Variants in HUNK observed in about 807,000 individuals in gnomAD.
HUNK encodes hormonally up-regulated neu tumor-associated kinase.
In HUNK, 21 loss-of-function variants were observed where a neutral mutation model predicts 61.0. The observed-to-expected ratio is 0.34, with a 90% CI of 0.24 to 0.50. The LOEUF (loss-of-function observed/expected upper bound fraction) is 0.50, where lower values mean the gene tolerates loss of function less well. Among genes scored for constraint, HUNK ranks in the 20% least tolerant of loss-of-function variants. The probability of loss-of-function intolerance (pLI) is 0.98; values close to 1 mark genes in which losing one functional copy is unlikely to be tolerated. For missense variants in HUNK, 772 were observed against 945.7 expected, an observed-to-expected ratio of 0.82 and a Z score of 2.41; for synonymous variants, 371 against 386.1, an observed-to-expected ratio of 0.96 and a Z score of 0.46.
intron 6 of HUNK, 177 bp from the exon 7 acceptor site, chr21:31,974,378 A>G: frequency 1.9e-6 from 1 of 530,254 alleles, no homozygotes; most frequent in Non-Finnish European, 3.2e-6. Context: ...ATGATGGTAT[A>G]CATAAAGTGA....
intron 8 of HUNK, among the ~76,000 whole-genome samples, chr21:31,984,562 A>G (rs1205764412): frequency 6.6e-6 from 1 of 152,194 alleles, no homozygotes; most frequent in Non-Finnish European, 1.5e-5. Flanking sequence ...CTAGAGAAAA[A>G]GAACACAACT....
At chr21:31,943,161 G>A (rs779820230) in intron 3 of HUNK, among the ~76,000 whole-genome samples, 4 of 151,674 alleles carry the variant, frequency 2.6e-5, no homozygotes, top group Non-Finnish European at 5.9e-5. Flanking sequence ...GAAAGAATTT[G>A]GTTTAAATAA....
At chr21:31,903,012 C>T (rs1428754589) in intron 1 of HUNK, among the ~76,000 whole-genome samples, 1 of 150,592 alleles carries the variant, frequency 6.6e-6, no homozygotes, top group African/African-American at 2.4e-5. Context: ...TTTTTTTTCT[C>T]GGTGCGGGAG....
chr21:31,911,093 T>C (rs1227819859), intron 1 of HUNK, among the ~76,000 whole-genome samples: 1 of 152,202 alleles, frequency 6.6e-6, no homozygotes, highest in Non-Finnish European at 1.5e-5. Flanking sequence ...CATAACAGAT[T>C]CTGAAATAGT....
chr21:31,886,466 A>C (rs886881832), intron 1 of HUNK, among the ~76,000 whole-genome samples: 3 of 150,894 alleles, frequency 2.0e-5, no homozygotes, highest in Non-Finnish European at 4.4e-5. Flanking sequence ...TAAAGTACTG[A>C]GGTACTGGGG....
In HUNK at chr21:31,995,938, C is replaced by T. The variant is rs2053202288; in HGVS notation, c.1476C>T (p.Phe492=). 1 of 1,612,988 alleles carries T rather than the reference C, an allele frequency of 6.2e-7. No homozygotes were observed. The highest frequency in any genetic ancestry group is 8.5e-7 in the Non-Finnish European group (1 of 1,179,388). Residue 492 remains phenylalanine (F), a synonymous_variant, in exon 10 of 11, where the codon TTC becomes TTT. Coordinates refer to ENST00000270112, the MANE Select transcript of HUNK (RefSeq NM_014586.2). The part of the protein sequence containing the change: ...LKDRKASKSS[F]PDKDSFGCRN... ...ACCGGAAGGCCTCCAAGTCCAGCTT[C>T]CCCGACAAAGGTGGGTCAGCTCTGG...
rs116893209 is a variant in HUNK at position 31,971,680 on chromosome 21, C to T, written c.1011-2875C>T. On this transcript the variant is annotated intron_variant, in intron 6 of 10. Coordinates refer to ENST00000270112, the MANE Select transcript of HUNK (RefSeq NM_014586.2). ...TTACATCACTCTTCTATAAAGCCTT[C>T]TCCTGTGAAGTCATTTCAGCCTCCA... Among the ~76,000 whole-genome samples the T allele has an allele frequency of 9.8e-3, 1,492 of 152,280 alleles. 14 individuals carry two copies. Among genetic ancestry groups the T allele is most frequent in the Non-Finnish European group, 0.016 (1,076 of 68,022 alleles).
intron 5 of HUNK, among the ~76,000 whole-genome samples, chr21:31,961,956 G>A (rs2052932139): frequency 6.6e-6 from 1 of 152,158 alleles, no homozygotes; most frequent in South Asian, 2.1e-4. Flanking sequence ...GACCACAAAG[G>A]TTTATTTCTC....
intron 1 of HUNK, among the ~76,000 whole-genome samples, chr21:31,876,957 A>G (rs951829132): frequency 1.3e-5 from 2 of 152,136 alleles, no homozygotes; most frequent in African/African-American, 4.8e-5. Flanking sequence ...CCATCCTTTT[A>G]TAAAGGATCC....
chr21:31,881,262 C>A (rs930725039), intron 1 of HUNK, among the ~76,000 whole-genome samples: 12 of 152,274 alleles, frequency 7.9e-5, no homozygotes, highest in African/African-American at 2.9e-4. Context: ...CTTTTCCATG[C>A]GCATTTTGGA....
intron 5 of HUNK, among the ~76,000 whole-genome samples, chr21:31,959,265 A>G (rs549902170): frequency 6.6e-6 from 1 of 152,276 alleles, no homozygotes; most frequent in East Asian, 1.9e-4. Flanking sequence ...TTCTCCATTT[A>G]AAAAATGATT....
At chr21:31,883,470 T>C (rs1211476811) in intron 1 of HUNK, among the ~76,000 whole-genome samples, 1 of 152,214 alleles carries the variant, frequency 6.6e-6, no homozygotes, top group Non-Finnish European at 1.5e-5. Flanking sequence ...TTTTGGGGTT[T>C]TGGCCTTTTT....
chr21:31,939,399 GTTTTTTTTT>G (rs398036365), intron 2 of HUNK, among the ~76,000 whole-genome samples: 4 of 66,732 alleles, frequency 6.0e-5, no homozygotes, highest in African/African-American at 1.4e-4. Context: ...GCTTTCATGT[GTTTTTTTTT>G]TTTTTTTTTT....
chr21:31,895,402 C>T (rs2052418170), intron 1 of HUNK, among the ~76,000 whole-genome samples: 1 of 152,174 alleles, frequency 6.6e-6, no homozygotes, highest in African/African-American at 2.4e-5. Flanking sequence ...TACTTATCAG[C>T]CCGGTTCCTT....
intron 1 of HUNK, among the ~76,000 whole-genome samples, chr21:31,905,253 TCACCTGTTACTTTTTAAAGC>T (rs1212795916): frequency 6.6e-6 from 1 of 152,094 alleles, no homozygotes; most frequent in Non-Finnish European, 1.5e-5. Flanking sequence ...TTAGTTAATT[TCACCTGTTACTTTTTAAAGC>T]CACCTACAAG....
At chr21:31,914,616 T>A (rs2052569536) in intron 1 of HUNK, among the ~76,000 whole-genome samples, 1 of 152,042 alleles carries the variant, frequency 6.6e-6, no homozygotes, top group Admixed American at 6.6e-5. Context: ...TGTTTCACAG[T>A]CCTGGAGTCT....
At chr21:31,943,217 A>G (rs954491447) in intron 3 of HUNK, among the ~76,000 whole-genome samples, 7 of 152,174 alleles carry the variant, frequency 4.6e-5, no homozygotes, top group African/African-American at 1.7e-4. Context: ...ACCAGGAGTA[A>G]GATGTGATTT....
chr21:31,892,174 TATATATAGAG>T (rs1448073979), intron 1 of HUNK, among the ~76,000 whole-genome samples: 4 of 122,026 alleles, frequency 3.3e-5, no homozygotes, highest in Admixed American at 8.2e-5. Flanking sequence ...TATATATATA[TATATATAGAG>T]AGAGAGAGAG....
At chr21:31,971,567 G>T (rs1418362338) in intron 6 of HUNK, among the ~76,000 whole-genome samples, 1 of 152,164 alleles carries the variant, frequency 6.6e-6, no homozygotes, top group Admixed American at 6.5e-5. Flanking sequence ...ATGTTTTATA[G>T]TTTCCCAACA....
Sources: allele counts gnomAD v4.1 joint callset (sites outside exome capture counted in the v4.1 genomes callset), GRCh38; gene constraint gnomAD v4.1.1; transcripts MANE v1.5; gene names NCBI Gene and HGNC (gene_info 2026-07-23, HGNC 2026-07-21).